Variants in ZBTB16 observed in about 807,000 individuals in gnomAD.
ZBTB16 encodes zinc finger and BTB domain-containing protein 16.
In ZBTB16, 8 loss-of-function variants were observed where a neutral mutation model predicts 56.8. The ratio of observed to expected loss-of-function variants is 0.14; its 90% CI spans 0.08 to 0.25. The LOEUF is 0.25. ZBTB16 is among the 10% of genes least tolerant of loss of function. The pLI is 1.00. For synonymous variants in ZBTB16, 363 were observed against 368.5 expected (o/e 0.98, Z 0.17); for missense variants, 625 against 903.0 (o/e 0.69, Z 3.95).
chr11:114,102,238 A>G (rs953168459), intron 2 of ZBTB16, among the ~76,000 whole-genome samples: 5 of 152,166 alleles, frequency 3.3e-5, no homozygotes, highest in Admixed American at 1.3e-4. Flanking sequence ...AAAAATCCTT[A>G]ACCAAATGCT....
intron 2 of ZBTB16, among the ~76,000 whole-genome samples, chr11:114,123,825 G>C (rs965741568): frequency 2.0e-5 from 3 of 152,150 alleles, no homozygotes; most frequent in African/African-American, 7.2e-5. Flanking sequence ...AAGAGGAGCA[G>C]TGGAGCCACC....
chr11:114,082,797 G>A (rs1278734749), intron 2 of ZBTB16, among the ~76,000 whole-genome samples: 3 of 152,054 alleles, frequency 2.0e-5, no homozygotes, highest in African/African-American at 7.2e-5. Flanking sequence ...AGGATCAAAG[G>A]AAGTGACACT....
At chr11:114,132,776 G>A (rs1474121738) in intron 2 of ZBTB16, among the ~76,000 whole-genome samples, 1 of 152,100 alleles carries the variant, frequency 6.6e-6, no homozygotes, top group African/African-American at 2.4e-5. Context: ...CTGTTATCAC[G>A]GATTACTCCA....
In ZBTB16 at chr11:114,106,120, C is replaced by T. The variant is rs147255690; in HGVS notation, c.1268+41552C>T. ...TCCAGACTGTATTAACCTTTCATAG[C>T]GGAGGGTTGTTAGGAGGAAAACGCT... On this transcript the variant is annotated intron_variant, in intron 2 of 6. Transcript: ENST00000335953. Among the ~76,000 whole-genome samples, 25 of 152,244 alleles carry T rather than the reference C, an allele frequency of 1.6e-4. No individual in the cohort carries two copies. The East Asian group carries it at 4.1e-3, about 25-fold the overall frequency.
chr11:114,064,428 C>T lies in ZBTB16; in HGVS notation c.1128C>T (p.Pro376=), dbSNP rs1421125105. Reference sequence around the variant, plus strand: ...TCAGCACCTATGGGGGGCTGCTGCCCCAGGGCTTCATCCAGAGGGAGCTGT... The same window carrying T: ...TCAGCACCTATGGGGGGCTGCTGCCTCAGGGCTTCATCCAGAGGGAGCTGT... The part of the protein sequence containing the change: ...MDFSTYGGLL[P]QGFIQRELFS... The change falls in exon 2 of 7, where the codon CCC becomes CCT. Residue 376 remains proline, a synonymous_variant. Transcript: ENST00000335953. The surrounding 1 kb of genome is among the most constrained non-coding windows in gnomAD (Gnocchi z 4.2). 3.7e-6 allele frequency: 6 copies of T among 1,613,996 alleles called. No individual in the cohort carries two copies. The highest frequency in any genetic ancestry group is 5.1e-6 in the Non-Finnish European group (6 of 1,180,036).
At chr11:114,158,787 G>T (rs959374389) in intron 3 of ZBTB16, among the ~76,000 whole-genome samples, 2 of 152,210 alleles carry the variant, frequency 1.3e-5, no homozygotes, top group African/African-American at 2.4e-5. Context: ...ATGTCATGGG[G>T]TTAGATCCTG....
At chr11:114,076,698 C>T (rs1309683412) in intron 2 of ZBTB16, among the ~76,000 whole-genome samples, 3 of 130,080 alleles carry the variant, frequency 2.3e-5, no homozygotes, top group African/African-American at 5.8e-5. Context: ...GCTGCTAAAT[C>T]GAGTGACTCT....
chr11:114,112,634 C>T (rs1941048653), intron 2 of ZBTB16, among the ~76,000 whole-genome samples: 1 of 152,132 alleles, frequency 6.6e-6, no homozygotes, highest in Non-Finnish European at 1.5e-5. Flanking sequence ...TTGAGGAGAC[C>T]TTTCCTAAGA....
In ZBTB16 at chr11:114,250,363, C is replaced by T. The variant is rs749423736; in HGVS notation, c.1830C>T (p.Arg610=). 3 of 1,613,736 alleles carry T rather than the reference C, an allele frequency of 1.9e-6. No individual in the cohort carries two copies. The highest frequency in any genetic ancestry group is 1.3e-5 in the African/African-American group (1 of 74,946). ...KPFECKLCHQ[R]SRDYSAMIKH... is the part of the protein sequence containing the mutation. ...TTGAGTGTAAGCTCTGCCACCAGCG[C>T]TCCCGGGACTACTCGGCCATGATCA... The change falls in exon 7 of 7, where the codon CGC becomes CGT. Residue 610 remains arginine (R), a synonymous_variant. Coordinates refer to ENST00000335953, the MANE Select transcript of ZBTB16 (RefSeq NM_006006.6). The surrounding 1 kb of genome is among the most constrained non-coding windows in gnomAD (Gnocchi z 6.0).
At chr11:114,062,104 CT>C (rs35612820) in intron 1 of ZBTB16, among the ~76,000 whole-genome samples, 1,469 of 143,734 alleles carry the variant, frequency 0.01, 27 homozygotes, top group African/African-American at 0.034. Context: ...CACACACACA[CT>C]TTTTTTTTTT....
At chr11:114,207,511 C>T (rs1316182497) in intron 4 of ZBTB16, among the ~76,000 whole-genome samples, 1 of 152,002 alleles carries the variant, frequency 6.6e-6, no homozygotes, top group Non-Finnish European at 1.5e-5. Context: ...CCCAGACTCT[C>T]CTGGCTGTTT....
intron 3 of ZBTB16, among the ~76,000 whole-genome samples, chr11:114,160,545 G>C (rs1565658908): frequency 6.6e-6 from 1 of 152,166 alleles, no homozygotes. Context: ...AGTTTTCATT[G>C]TGTTGAAATT....
In ZBTB16 at chr11:114,097,586, T is replaced by TA. The variant is rs948695459; in HGVS notation, c.1268+33026dup. Among the ~76,000 whole-genome samples, 115 of 152,144 alleles carry TA rather than the reference T, an allele frequency of 7.6e-4. 1 individual carries two copies. The highest frequency in any genetic ancestry group is 2.6e-3 in the African/African-American group (110 of 41,514). ...TAAAAACCCTCTGCTAAATTTTTTT[T>TA]AAAAAAAACACACATCGCCTGTACT... is the stretch of plus-strand genomic sequence containing the variant. On this transcript the variant is annotated intron_variant, in intron 2 of 6. Coordinates refer to ENST00000335953, the MANE Select transcript of ZBTB16 (RefSeq NM_006006.6).
chr11:114,235,577 C>T (rs1205387045), intron 4 of ZBTB16, among the ~76,000 whole-genome samples: 3 of 152,190 alleles, frequency 2.0e-5, no homozygotes, highest in Non-Finnish European at 4.4e-5. Context: ...TACTATTCCA[C>T]CCTGGCCTGG....
At chr11:114,191,443 G>A (rs678552) in intron 4 of ZBTB16, among the ~76,000 whole-genome samples, 88,655 of 151,986 alleles carry the variant, frequency 0.58, 26,331 homozygotes, top group African/African-American at 0.67. Context: ...AGGAACAATT[G>A]GCTGTCCCAT....
chr11:114,217,373 C>T (rs1313477653), intron 4 of ZBTB16, among the ~76,000 whole-genome samples: 1 of 152,094 alleles, frequency 6.6e-6, no homozygotes, highest in Admixed American at 6.6e-5. Flanking sequence ...TTGTGGCTAT[C>T]CTGATGAGGG....
intron 3 of ZBTB16, among the ~76,000 whole-genome samples, chr11:114,167,216 G>GTTTTTTTTTTTTGT (rs1942783087): frequency 1.3e-5 from 1 of 79,940 alleles, no homozygotes; most frequent in Non-Finnish European, 2.6e-5. Flanking sequence ...TGGATTTGTG[G>GTTTTTTTTTTTTGT]TTTTTTTTTT....
intron 2 of ZBTB16, among the ~76,000 whole-genome samples, chr11:114,066,179 TGA>T (rs1175378852): frequency 6.6e-6 from 1 of 151,972 alleles, no homozygotes; most frequent in Non-Finnish European, 1.5e-5. Flanking sequence ...GGGATGTGAG[TGA>T]GAGGGGTTGG....
chr11:114,081,487 T>G (rs1939757506), intron 2 of ZBTB16, among the ~76,000 whole-genome samples: 1 of 151,926 alleles, frequency 6.6e-6, no homozygotes, highest in African/African-American at 2.4e-5. Flanking sequence ...CTGTCTGGAG[T>G]GATTCATTTT....
Sources: allele counts gnomAD v4.1 joint callset (sites outside exome capture counted in the v4.1 genomes callset), GRCh38; gene constraint gnomAD v4.1.1; non-coding constraint Gnocchi (gnomAD v3.1); transcripts MANE v1.5; gene names NCBI Gene and HGNC (gene_info 2026-07-23, HGNC 2026-07-21).